WDR7: variants seen among roughly 807,000 people sequenced by gnomAD.
WDR7 encodes the protein WD repeat-containing protein 7.
WDR7 carries 46 observed loss-of-function variants against 169.4 expected under a neutral mutation model. The ratio of observed to expected loss-of-function variants is 0.27; its 90% CI spans 0.21 to 0.35. The LOEUF is 0.35. WDR7 is among the 10% of genes least tolerant of loss of function. The pLI, the probability that WDR7 is intolerant of heterozygous loss-of-function variation, is 1.00. For missense variants in WDR7, 1,534 were observed against 1,859.3 expected (o/e 0.83, Z 3.22); for synonymous variants, 612 against 666.8 (o/e 0.92, Z 1.27).
chr18:56,732,858 C>A (rs2026616548), intron 14 of WDR7, among the ~76,000 whole-genome samples: 2 of 152,094 alleles, frequency 1.3e-5, no homozygotes, highest in Non-Finnish European at 2.9e-5. Context: ...TGATTTTGAG[C>A]AAATTTATAA....
At chr18:56,933,065 G>T (rs903881087) in intron 22 of WDR7, among the ~76,000 whole-genome samples, 12 of 152,254 alleles carry the variant, frequency 7.9e-5, no homozygotes, top group Admixed American at 7.8e-4. Flanking sequence ...ACACAGCTGG[G>T]GACAGACTGG....
intron 21 of WDR7, among the ~76,000 whole-genome samples, chr18:56,884,870 G>T (rs74702058): frequency 0.05 from 7,594 of 152,252 alleles, 671 homozygotes; most frequent in African/African-American, 0.17. Flanking sequence ...TACAACTAAG[G>T]ATGCTCACAG....
intron 21 of WDR7, among the ~76,000 whole-genome samples, chr18:56,896,552 A>G (rs2046334554): frequency 6.6e-6 from 1 of 151,898 alleles, no homozygotes; most frequent in South Asian, 2.1e-4. Context: ...TAGGAATTTG[A>G]TTTTATATAG....
chr18:56,661,540 G>A (rs570863403), intron 1 of WDR7, among the ~76,000 whole-genome samples: 1 of 152,284 alleles, frequency 6.6e-6, no homozygotes, highest in African/African-American at 2.4e-5. Flanking sequence ...GTAGTCTCCT[G>A]TTGCCATCTG....
chr18:56,991,164 T>TTTTTTA (rs2047810030), intron 26 of WDR7, among the ~76,000 whole-genome samples: 1 of 148,334 alleles, frequency 6.7e-6, no homozygotes. Context: ...TTTTTTTTTT[T>TTTTTTA]GAGACGGAGT....
At chr18:56,982,370 C>T (rs1388005025) in intron 26 of WDR7, among the ~76,000 whole-genome samples, 1 of 152,176 alleles carries the variant, frequency 6.6e-6, no homozygotes, top group Admixed American at 6.5e-5. Context: ...GCTTCCTTTT[C>T]ATATTAGCAA....
At chr18:56,959,602 C>T (rs541709752) in intron 25 of WDR7, among the ~76,000 whole-genome samples, 149 of 152,198 alleles carry the variant, frequency 9.8e-4, no homozygotes, top group Non-Finnish European at 1.7e-3. Context: ...AACTGGAGAC[C>T]AAGACACCAT....
chr18:56,922,289 A>G (rs1051700586), intron 21 of WDR7, among the ~76,000 whole-genome samples: 1 of 152,120 alleles, frequency 6.6e-6, no homozygotes, highest in Non-Finnish European at 1.5e-5. Context: ...GGTGGTTTAG[A>G]AGATGCAAAG....
chr18:56,679,341 C>G lies in WDR7; in HGVS notation c.169C>G (p.Arg57Gly). ...DLSVELQINP[R>G]ALLFGHTASI... ...ATTTTTGCATTTCTAGATTAATCCT[C>G]GAGCACTGTTGTTTGGTCATACAGC... The change falls in exon 3 of 28, where the codon CGA becomes GGA. Residue 57 changes from arginine to glycine, a missense_variant. Arg to Gly is a moderately radical substitution (Grantham distance 125). Transcript: ENST00000254442. 6.2e-7 allele frequency: 1 copy of G among 1,608,830 alleles called. No homozygotes were observed. The highest frequency in any genetic ancestry group is 8.5e-7 in the Non-Finnish European group (1 of 1,176,208).
intron 26 of WDR7, among the ~76,000 whole-genome samples, chr18:56,974,362 C>CTTTTTTTTTTT (rs34901751): frequency 5.4e-5 from 6 of 111,816 alleles, no homozygotes; most frequent in African/African-American, 1.7e-4. Flanking sequence ...GCTTTTCTTG[C>CTTTTTTTTTTT]TTTTTTTTTT....
chr18:57,017,053 C>T (rs952760100), intron 26 of WDR7, among the ~76,000 whole-genome samples: 3 of 152,232 alleles, frequency 2.0e-5, no homozygotes, highest in Non-Finnish European at 2.9e-5. Context: ...CCAATCCGCT[C>T]CATCACAAAG....
rs1598949792 is a variant in WDR7 at position 56,672,267 on chromosome 18, A to C, written c.-19-230A>C. Among the ~76,000 whole-genome samples the C allele has an allele frequency of 3.3e-5, 5 of 152,110 alleles. 1 individual carries two copies. The highest frequency in any genetic ancestry group is 3.3e-4 in the Admixed American group (5 of 15,286). ...AAGACCTGTTTATTATTATTTCGTTATTTCTTTCTTTTCACAGGTGTTGAT... is the reference window on the plus strand; with the variant it reads ...AAGACCTGTTTATTATTATTTCGTTCTTTCTTTCTTTTCACAGGTGTTGAT... On this transcript the variant is annotated intron_variant, in intron 1 of 27. Transcript: ENST00000254442.
At chr18:56,760,544 A>C (rs1224334042) in intron 16 of WDR7, among the ~76,000 whole-genome samples, 1 of 152,222 alleles carries the variant, frequency 6.6e-6, no homozygotes, top group Non-Finnish European at 1.5e-5. Flanking sequence ...TATTCTGTTG[A>C]ATGAATAGAT....
chr18:56,717,077 A>G (rs565272265), intron 12 of WDR7, among the ~76,000 whole-genome samples: 6 of 152,192 alleles, frequency 3.9e-5, no homozygotes, highest in Admixed American at 3.9e-4. Context: ...CTCCCCCTCA[A>G]TAAATAGCCA....
chr18:56,749,827 A>G (rs77954946), intron 14 of WDR7, among the ~76,000 whole-genome samples: 2,090 of 151,990 alleles, frequency 0.014, 46 homozygotes, highest in African/African-American at 0.048. Context: ...TCATTATAAT[A>G]TTGGTTTTAG....
intron 14 of WDR7, among the ~76,000 whole-genome samples, chr18:56,749,894 A>C (rs1476500199): frequency 1.3e-5 from 2 of 151,516 alleles, no homozygotes; most frequent in Non-Finnish European, 2.9e-5. Context: ...ATATATTAAA[A>C]TATTTAATAA....
chr18:56,921,727 C>T (rs1478850392), intron 21 of WDR7, among the ~76,000 whole-genome samples: 1 of 152,138 alleles, frequency 6.6e-6, no homozygotes, highest in Non-Finnish European at 1.5e-5. Context: ...TGATCAGTTC[C>T]CCTGTGCTGT....
chr18:56,851,460 G>A (rs1242111955), intron 20 of WDR7, among the ~76,000 whole-genome samples: 1 of 152,138 alleles, frequency 6.6e-6, no homozygotes, highest in Non-Finnish European at 1.5e-5. Flanking sequence ...ACTGGTATTT[G>A]CTTTGCCTCC....
At chr18:56,855,723 A>T (rs2045710872) in intron 20 of WDR7, among the ~76,000 whole-genome samples, 1 of 152,284 alleles carries the variant, frequency 6.6e-6, no homozygotes, top group South Asian at 2.1e-4. Flanking sequence ...TAGTCTTTAT[A>T]TCCAGTTGGG....
Sources: allele counts gnomAD v4.1 joint callset (sites outside exome capture counted in the v4.1 genomes callset), GRCh38; gene constraint gnomAD v4.1.1; transcripts MANE v1.5; gene names NCBI Gene and HGNC (gene_info 2026-07-23, HGNC 2026-07-21).